ACOT7: variants seen among roughly 807,000 people sequenced by gnomAD.
ACOT7 encodes the protein cytosolic acyl coenzyme A thioester hydrolase.
In ACOT7, 12 loss-of-function variants were observed where a neutral mutation model predicts 40.2. That is an observed-to-expected ratio of 0.30 (90% CI 0.19 to 0.48). The LOEUF is 0.48. ACOT7 is among the 20% of genes least tolerant of loss of function. The probability of loss-of-function intolerance (pLI) is 0.99; values close to 1 mark genes in which losing one functional copy is unlikely to be tolerated. For missense variants in ACOT7, 395 were observed against 530.8 expected (o/e 0.74, Z 2.51); for synonymous variants, 228 against 219.5 (o/e 1.04, Z -0.34).
chr1:6,386,036 G>A (rs1233988884), intron 1 of ACOT7, among the ~76,000 whole-genome samples: 2 of 152,142 alleles, frequency 1.3e-5, no homozygotes, highest in South Asian at 2.1e-4. Context: ...CTTAAACCTC[G>A]CACCACTCAG....
chr1:6,304,881 T>C (rs1400540924), intron 6 of ACOT7, among the ~76,000 whole-genome samples: 1 of 141,040 alleles, frequency 7.1e-6, no homozygotes, highest in African/African-American at 3.0e-5. Flanking sequence ...GCCATTGTCA[T>C]CATGGCCCGT....
intron 1 of ACOT7, among the ~76,000 whole-genome samples, chr1:6,377,503 G>T (rs991453212): frequency 6.6e-6 from 1 of 152,208 alleles, no homozygotes; most frequent in African/African-American, 2.4e-5. Flanking sequence ...ATAGGTGTCA[G>T]ATAACATGGG....
chr1:6,317,446 C>T (rs1640524497), intron 6 of ACOT7, among the ~76,000 whole-genome samples: 1 of 152,234 alleles, frequency 6.6e-6, no homozygotes, highest in African/African-American at 2.4e-5. Context: ...GGAAGCCAAG[C>T]TACGAACTTT....
intron 1 of ACOT7, among the ~76,000 whole-genome samples, chr1:6,360,307 C>G (rs2148465825): frequency 6.6e-6 from 1 of 152,342 alleles, no homozygotes; most frequent in African/African-American, 2.4e-5. Context: ...GAGTCTGGCC[C>G]AAGCCTGGCA....
At chr1:6,390,702 G>A (rs367546999) in intron 1 of ACOT7, among the ~76,000 whole-genome samples, 13 of 151,958 alleles carry the variant, frequency 8.6e-5, no homozygotes, top group African/African-American at 1.9e-4. Context: ...TTGGGAGGCC[G>A]AGGCGGGCAG....
chr1:6,322,357 C>T (rs1640669793), intron 5 of ACOT7, among the ~76,000 whole-genome samples: 1 of 152,228 alleles, frequency 6.6e-6, no homozygotes, highest in African/African-American at 2.4e-5. Flanking sequence ...TGAGGGCAAG[C>T]CCAGGGCAGG....
rs1009758809 is a variant in ACOT7, at chr1:6,301,374, A to G, written c.713-6394T>C. ...CACAAGGGACCTCATGTTACTGAAA[A>G]CCGCTCAGGATCCAAAGCACGTGAC... On this transcript the variant is annotated intron_variant, in intron 6 of 8. Coordinates refer to ENST00000361521, the MANE Select transcript of ACOT7 (RefSeq NM_007274.4). The surrounding 1 kb of genome is among the most constrained non-coding windows in gnomAD (Gnocchi z 4.1). Among the ~76,000 whole-genome samples, 2 of 152,124 alleles carry G rather than the reference A, an allele frequency of 1.3e-5. No homozygotes were observed. The highest frequency in any genetic ancestry group is 4.8e-5 in the African/African-American group (2 of 41,412).
At chr1:6,362,765 T>A (rs1641918081) in intron 1 of ACOT7, among the ~76,000 whole-genome samples, 1 of 151,582 alleles carries the variant, frequency 6.6e-6, no homozygotes, top group Non-Finnish European at 1.5e-5. Context: ...ACAAATGACC[T>A]TTGGCTAGGC....
At chr1:6,373,135 G>T (rs1190511226) in intron 1 of ACOT7, among the ~76,000 whole-genome samples, 1 of 152,148 alleles carries the variant, frequency 6.6e-6, no homozygotes, top group Admixed American at 6.5e-5. Flanking sequence ...TAACAAAAAT[G>T]ATAACGAAAA....
intron 7 of ACOT7, among the ~76,000 whole-genome samples, chr1:6,290,036 C>A (rs935801611): frequency 6.6e-6 from 1 of 152,104 alleles, no homozygotes; most frequent in Non-Finnish European, 1.5e-5. Flanking sequence ...CCGGGTGGGC[C>A]TGATAGAATC....
Position 6,373,482 on chromosome 1 carries a change from C to T in ACOT7, c.143+19775G>A, listed in dbSNP as rs1642171310. ...GCCAGGCTGGTCTCGAACTCCTGAC[C>T]TCAGGTGATCCGCCTGCCTCGGCCT... On this transcript the variant is annotated intron_variant, in intron 1 of 8. Transcript: ENST00000361521. Among the ~76,000 whole-genome samples, 3 of 152,178 alleles carry T rather than the reference C, an allele frequency of 2.0e-5. No homozygotes were observed. In the South Asian group the frequency reaches 6.2e-4, roughly 32 times the overall value.
intron 4 of ACOT7, among the ~76,000 whole-genome samples, chr1:6,329,967 G>A (rs931248570): frequency 6.6e-5 from 10 of 152,146 alleles, no homozygotes; most frequent in African/African-American, 2.2e-4. Flanking sequence ...GGAAGGTGGA[G>A]CAAAGAAAAG....
At chr1:6,333,681 C>G (rs1399455869) in intron 3 of ACOT7, 113 bp from the exon 4 acceptor site, 3 of 993,746 alleles carry the variant, frequency 3.0e-6, no homozygotes, top group Non-Finnish European at 4.6e-6. Context: ...CTGAAACACA[C>G]CACAGTGTGC....
intron 8 of ACOT7, among the ~76,000 whole-genome samples, chr1:6,269,083 C>T (rs1638943986): frequency 6.6e-6 from 1 of 152,230 alleles, no homozygotes; most frequent in Non-Finnish European, 1.5e-5. Context: ...TTCCCAACAA[C>T]CCCACCAAGC....
chr1:6,271,894 G>A (rs753204055), intron 8 of ACOT7, among the ~76,000 whole-genome samples: 47 of 152,272 alleles, frequency 3.1e-4, no homozygotes, highest in Non-Finnish European at 6.3e-4. Flanking sequence ...CAGGGAGATC[G>A]TCACCACAAA....
intron 2 of ACOT7, among the ~76,000 whole-genome samples, chr1:6,342,054 A>G (rs963160583): frequency 1.3e-5 from 2 of 152,218 alleles, no homozygotes; most frequent in African/African-American, 4.8e-5. Context: ...CCAGAACAAA[A>G]TGCCATAGCC....
rs186589525 is a variant in ACOT7, at chr1:6,312,996, T to C, written c.712+5496A>G. ...CGGCCCAGTGGGGACTCCAGACCAG[T>C]AGCCTCAGCATCGCAAGGAGCAAGG... On this transcript the variant is annotated intron_variant, in intron 6 of 8. Coordinates refer to ENST00000361521, the MANE Select transcript of ACOT7 (RefSeq NM_007274.4). 3.3e-5 allele frequency among the ~76,000 whole-genome samples: 5 copies of C among 152,274 alleles called. No homozygotes were observed. In the East Asian group the frequency reaches 7.7e-4, roughly 24 times the overall value.
intron 6 of ACOT7, 163 bp from the exon 7 acceptor site, chr1:6,295,143 C>T (rs1477439811): frequency 2.3e-5 from 12 of 532,742 alleles, no homozygotes; most frequent in Admixed American, 6.7e-5. Flanking sequence ...CTGTGGCTCA[C>T]GCGCTACATG....
intron 3 of ACOT7, 48 bp downstream of exon 3, chr1:6,339,385 A>G (rs1641197684): frequency 6.2e-7 from 1 of 1,610,226 alleles, no homozygotes; most frequent in Admixed American, 1.7e-5. Flanking sequence ...GCAGCTGTGT[A>G]GCCACGGCCC....
Sources: gnomAD v4.1 joint callset for allele counts (sites outside exome capture counted in the v4.1 genomes callset) on GRCh38, gnomAD v4.1.1 for gene constraint, Gnocchi (gnomAD v3.1) non-coding constraint, MANE v1.5 for transcripts, NCBI Gene and HGNC (gene_info 2026-07-23, HGNC 2026-07-21) for gene names.